The following ITGA6 variants were observed in gnomAD, a reference collection of about 807,000 sequenced individuals.
ITGA6 encodes the protein integrin alpha-6.
Under a neutral mutation model 133.6 loss-of-function variants are expected in ITGA6, and 63 were observed. That is an observed-to-expected ratio of 0.47 (90% confidence interval 0.38 to 0.58). The LOEUF is 0.58. ITGA6 is among the 20% of genes least tolerant of loss of function. The pLI, the probability that ITGA6 is intolerant of heterozygous loss-of-function variation, is 0.00. For missense variants in ITGA6, 1,068 were observed against 1,309.4 expected, an observed-to-expected ratio of 0.82 and a Z score of 2.85; for synonymous variants, 434 against 482.0, an observed-to-expected ratio of 0.90 and a Z score of 1.30.
intron 1 of ITGA6, among the ~76,000 whole-genome samples, chr2:172,448,421 A>G (rs778965213): frequency 2.6e-5 from 4 of 152,154 alleles, no homozygotes; most frequent in Non-Finnish European, 4.4e-5. Context: ...GACCTTGGAC[A>G]AGTTACTTGT....
intron 3 of ITGA6, 114 bp from the exon 4 acceptor site, chr2:172,469,011 G>T: frequency 8.6e-7 from 1 of 1,157,394 alleles, no homozygotes; most frequent in African/African-American, 1.5e-5. Context: ...ATGAGGACAT[G>T]CTTAATCATC....
intron 1 of ITGA6, among the ~76,000 whole-genome samples, chr2:172,436,137 A>T (rs762448236): frequency 6.6e-6 from 1 of 152,070 alleles, no homozygotes; most frequent in Admixed American, 6.6e-5. Context: ...AATGAAGAAG[A>T]CCTCCATGAC....
Position 172,467,554 on chromosome 2 carries a change from G to A in ITGA6, c.381G>A (p.Lys127=), listed in dbSNP as rs1685734019. 1 of 1,612,844 alleles carries A rather than the reference G, an allele frequency of 6.2e-7. No homozygotes were observed. The highest frequency in any genetic ancestry group is 1.3e-5 in the African/African-American group (1 of 74,880). The part of the protein sequence containing the change: ...VTVQSQGPGG[K]VVTCAHRYEK... ...TCCAGAGCCAAGGTCCAGGGGGCAA[G>A]GTCGTGGTAAGTGTAGAGACACATG... The change falls in exon 3 of 26, where the codon AAG becomes AAA. Residue 127 remains lysine, a synonymous_variant. Coordinates refer to ENST00000684293, the MANE Select transcript of ITGA6 (RefSeq NM_000210.4).
At chr2:172,498,179 C>A in intron 24 of ITGA6, 79 bp downstream of exon 24, 2 of 1,393,836 alleles carry the variant, frequency 1.4e-6, no homozygotes, top group Non-Finnish European at 2.0e-6. Context: ...ACTGATAGTA[C>A]GTTTTCTTTT....
In ITGA6 at chr2:172,489,653, C is replaced by T; in HGVS notation, c.2674C>T (p.Leu892=). 1 of 1,613,194 alleles carries T rather than the reference C, an allele frequency of 6.2e-7. No individual in the cohort carries two copies. Among genetic ancestry groups the T allele is most frequent in the South Asian group, 1.1e-5 (1 of 91,048 alleles). ...EPQKEINSLN[L]TESHNSRKKR... ...ACAAAAGGAGATAAACTCCCTGAAC[C>T]TAACGGTATGTCGGTAGATTTATCT... Residue 892 remains leucine (L), a synonymous_variant, in exon 20 of 26, where the codon CTA becomes TTA. Coordinates refer to ENST00000684293, the MANE Select transcript of ITGA6 (RefSeq NM_000210.4).
intron 1 of ITGA6, among the ~76,000 whole-genome samples, chr2:172,452,345 G>A (rs1352186650): frequency 6.6e-6 from 1 of 152,220 alleles, no homozygotes; most frequent in Admixed American, 6.5e-5. Flanking sequence ...GTGGGAGTCA[G>A]TGGCAGCAAG....
In ITGA6 at chr2:172,498,031, G is replaced by T; in HGVS notation, c.3045G>T (p.Trp1015Cys). 1 of 1,613,722 alleles carries T rather than the reference G, an allele frequency of 6.2e-7. No individual in the cohort carries two copies. Among genetic ancestry groups the T allele is most frequent in the South Asian group, 1.1e-5 (1 of 91,070 alleles). The change falls in exon 24 of 26, where the codon TGG becomes TGT. Residue 1015 changes from tryptophan to cysteine, a missense_variant. Trp to Cys is a radical substitution (Grantham distance 215, BLOSUM62 -2). Coordinates refer to ENST00000684293, the MANE Select transcript of ITGA6 (RefSeq NM_000210.4). ...KTVAQYSGVP[W>C]WIILVAILAG... The stretch of plus-strand genomic sequence containing the variant: ...TAGCTCAGTATTCGGGAGTACCTTG[G>T]TGGATCATCCTAGTGGCTATTCTCG...
intron 5 of ITGA6, among the ~76,000 whole-genome samples, chr2:172,473,413 T>A (rs1426638404): frequency 6.6e-6 from 1 of 152,196 alleles, no homozygotes; most frequent in Non-Finnish European, 1.5e-5. Flanking sequence ...TCAAATACCA[T>A]GTATCATCAG....
chr2:172,484,732 T>C, intron 11 of ITGA6, 50 bp from the exon 12 acceptor site: 1 of 1,471,096 alleles, frequency 6.8e-7, no homozygotes, highest in Non-Finnish European at 9.5e-7. Flanking sequence ...TGCTTGTGGC[T>C]GGATTGTGCA....
At chr2:172,434,268 T>C (rs10184567) in intron 1 of ITGA6, among the ~76,000 whole-genome samples, 22,642 of 152,086 alleles carry the variant, frequency 0.15, 2,756 homozygotes, top group East Asian at 0.56. Flanking sequence ...TCTCTTGGAA[T>C]TAAGTTAAAA....
intron 23 of ITGA6, chr2:172,495,243 T>TC (rs1313032854): frequency 6.6e-6 from 1 of 152,214 alleles, no homozygotes; most frequent in Admixed American, 6.5e-5. Flanking sequence ...ATATCCCTCT[T>TC]CCCCTTATGG....
rs1008362751 is a variant in ITGA6 at position 172,427,725 on chromosome 2, G to A, written c.-64G>A. 4.1e-6 allele frequency: 6 copies of A among 1,471,792 alleles called. No individual in the cohort carries two copies. The highest frequency in any genetic ancestry group is 2.9e-5 in the African/African-American group (2 of 67,996). The allele number at this position is 1,471,792 out of a possible 1,614,324, so 91.2% of individuals were successfully genotyped here. ...GCGGTAGCAGCAGCGCGGCAGCCTC[G>A]GACCCAGCCCGGAGCGCAGGGCGGC... On this transcript the variant is annotated 5_prime_UTR_variant, in exon 1 of 26. Coordinates refer to ENST00000684293, the MANE Select transcript of ITGA6 (RefSeq NM_000210.4).
At chr2:172,490,876 A>C in intron 20 of ITGA6, 148 bp from the exon 21 acceptor site, 1 of 656,074 alleles carries the variant, frequency 1.5e-6, no homozygotes, top group South Asian at 1.8e-5. Context: ...CTGGTTTTAC[A>C]CTTACTTCTG....
At chr2:172,477,782 G>A (rs1686241775) in intron 9 of ITGA6, among the ~76,000 whole-genome samples, 1 of 152,134 alleles carries the variant, frequency 6.6e-6, no homozygotes, top group South Asian at 2.1e-4. Flanking sequence ...GGAAACTGAG[G>A]CCCAGGACTT....
intron 1 of ITGA6, chr2:172,465,128 TTAC>T (rs74819816): frequency 0.1 from 28,008 of 272,748 alleles, 2,983 homozygotes; most frequent in East Asian, 0.5. Context: ...TTATTGCTTA[TTAC>T]ATTTAGTGTG....
At chr2:172,482,706 A>G (rs570661600) in intron 11 of ITGA6, among the ~76,000 whole-genome samples, 1 of 152,316 alleles carries the variant, frequency 6.6e-6, no homozygotes, top group South Asian at 2.1e-4. Flanking sequence ...TTATAAATGG[A>G]TGATGTCAAG....
intron 23 of ITGA6, among the ~76,000 whole-genome samples, chr2:172,496,471 CTG>C (rs1687132191): frequency 6.6e-6 from 1 of 152,162 alleles, no homozygotes; most frequent in Admixed American, 6.5e-5. Flanking sequence ...GGTTGAGAAA[CTG>C]TTTCCTAGAA....
chr2:172,442,492 A>G (rs1245840977), intron 1 of ITGA6, among the ~76,000 whole-genome samples: 1 of 152,178 alleles, frequency 6.6e-6, no homozygotes, highest in East Asian at 1.9e-4. Flanking sequence ...GTTCCCCTGA[A>G]TGCTGTCAGT....
chr2:172,472,875 A>T, intron 5 of ITGA6: 3 of 1,600,060 alleles, frequency 1.9e-6, no homozygotes, highest in Non-Finnish European at 2.6e-6. Flanking sequence ...TGATGTGATG[A>T]TGAATAGCTA....
Sources: gnomAD v4.1 joint callset for allele counts (sites outside exome capture counted in the v4.1 genomes callset) on GRCh38, gnomAD v4.1.1 for gene constraint, MANE v1.5 for transcripts, NCBI Gene and HGNC (gene_info 2026-07-23, HGNC 2026-07-21) for gene names.